STIL: variants seen among roughly 807,000 people sequenced by gnomAD.
STIL encodes the protein SCL-interrupting locus protein.
In STIL, 55 loss-of-function variants were observed where a neutral mutation model predicts 110.1. The ratio of observed to expected loss-of-function variants is 0.50; its 90% confidence interval spans 0.40 to 0.63. STIL has a LOEUF of 0.63. STIL is among the 20% of genes least tolerant of loss of function. The pLI is 0.00. For missense variants in STIL, 1,358 were observed against 1,530.0 expected (o/e 0.89, Z 1.87); for synonymous variants, 481 against 530.0 (o/e 0.91, Z 1.27).
intron 16 of STIL, among the ~76,000 whole-genome samples, chr1:47,252,824 C>T (rs967534397): frequency 1.1e-4 from 15 of 140,638 alleles, no homozygotes; most frequent in Admixed American, 8.0e-4. Context: ...CACACACACA[C>T]GAATACTTTT....
At chr1:47,298,471 C>T (rs12042624) in intron 6 of STIL, among the ~76,000 whole-genome samples, 26,305 of 152,006 alleles carry the variant, frequency 0.17, 2,908 homozygotes, top group East Asian at 0.53. Flanking sequence ...AAACTCCACC[C>T]TCAAGTAGTT....
chr1:47,300,201 A>T, intron 5 of STIL, 49 bp from the exon 6 acceptor site: 2 of 1,570,170 alleles, frequency 1.3e-6, no homozygotes, highest in Non-Finnish European at 1.7e-6. Context: ...AAATGTGCCC[A>T]TATCGCCAAA....
At chr1:47,262,724 T>C (rs1644520395) in intron 15 of STIL, among the ~76,000 whole-genome samples, 179 bp downstream of exon 15, 2 of 152,340 alleles carry the variant, frequency 1.3e-5, no homozygotes, top group South Asian at 4.1e-4. Context: ...ATGTTTATGG[T>C]AAATTAGTGA....
At chr1:47,306,931 C>T (rs970176104) in intron 2 of STIL, among the ~76,000 whole-genome samples, 2 of 152,188 alleles carry the variant, frequency 1.3e-5, no homozygotes, top group African/African-American at 4.8e-5. Flanking sequence ...GCAGGTGGAT[C>T]ACTTGAGGCC....
At chr1:47,275,258 T>C (rs1028149922) in intron 12 of STIL, among the ~76,000 whole-genome samples, 18 of 151,838 alleles carry the variant, frequency 1.2e-4, no homozygotes, top group Admixed American at 2.6e-4. Flanking sequence ...AAAACTTACT[T>C]AAATAAAAAA....
intron 6 of STIL, among the ~76,000 whole-genome samples, chr1:47,299,033 CTT>C (rs35412832): frequency 3.5e-5 from 5 of 142,176 alleles, no homozygotes; most frequent in Non-Finnish European, 4.6e-5. Flanking sequence ...TTTACCACCA[CTT>C]TTTTTTTTTT....
intron 16 of STIL, among the ~76,000 whole-genome samples, chr1:47,256,632 A>G (rs1014914236): frequency 6.6e-6 from 1 of 151,254 alleles, no homozygotes; most frequent in Non-Finnish European, 1.5e-5. Context: ...AAAAAAAAAA[A>G]AAAAAAATCT....
chr1:47,265,713 G>A (rs939274600), intron 14 of STIL, among the ~76,000 whole-genome samples: 4 of 150,118 alleles, frequency 2.7e-5, no homozygotes, highest in Admixed American at 2.0e-4. Context: ...CCCGGGAGGC[G>A]GAGGGTGCAG....
intron 8 of STIL, among the ~76,000 whole-genome samples, chr1:47,291,277 C>T (rs1645481069): frequency 6.6e-6 from 1 of 152,068 alleles, no homozygotes; most frequent in Non-Finnish European, 1.5e-5. Flanking sequence ...AGGAGAAACG[C>T]TTGAACCCAG....
rs549227243 is a variant in STIL, at chr1:47,258,992, C to CTTTTTTTTTTTTTTTTTT, written c.3080+1296_3080+1297insAAAAAAAAAAAAAAAAAA. On this transcript the variant is annotated intron_variant, in intron 16 of 16. Coordinates refer to ENST00000371877, the MANE Select transcript of STIL (RefSeq NM_001048166.1). Reference sequence around the variant, plus strand: ...GAAATGGTTAAGAGAAGTAACTTTGCTTTTTTTTTTTTTTGAGACAGTCTT... The same window carrying CTTTTTTTTTTTTTTTTTT: ...GAAATGGTTAAGAGAAGTAACTTTGCTTTTTTTTTTTTTTTTTTTTTTTTTTTTTTTTGAGACAGTCTT... 3.1e-3 allele frequency among the ~76,000 whole-genome samples: 290 copies of CTTTTTTTTTTTTTTTTTT among 94,408 alleles called. 69 individuals are homozygous for CTTTTTTTTTTTTTTTTTT. The highest frequency in any genetic ancestry group is 9.4e-3 in the African/African-American group (205 of 21,770). 61.9% of individuals were successfully genotyped at this position (94,408 alleles called of 152,430 possible).
At chr1:47,254,401 G>A (rs1644271343) in intron 16 of STIL, among the ~76,000 whole-genome samples, 1 of 151,866 alleles carries the variant, frequency 6.6e-6, no homozygotes, top group Non-Finnish European at 1.5e-5. Context: ...CAATACTTTT[G>A]GAAGTCTTTT....
chr1:47,298,769 A>G (rs1645714104), intron 6 of STIL, among the ~76,000 whole-genome samples: 1 of 151,966 alleles, frequency 6.6e-6, no homozygotes, highest in South Asian at 2.1e-4. Context: ...TTTGAGACAG[A>G]GTCTCGCTCT....
Position 47,281,613 on chromosome 1 carries a change from TA to T in STIL, c.1249-405del, listed in dbSNP as rs539043443. 5.8e-3 allele frequency among the ~76,000 whole-genome samples: 877 copies of T among 152,306 alleles called. 7 individuals carry two copies. The highest frequency in any genetic ancestry group is 0.02 in the African/African-American group (824 of 41,566). ...ACAGATCTAGTAGCAAATGTTTATG[TA>T]CCTTAAATAGTAAAATCTTCCAATA... is the stretch of plus-strand genomic sequence containing the variant. On this transcript the variant is annotated intron_variant, in intron 11 of 16. Coordinates refer to ENST00000371877, the MANE Select transcript of STIL (RefSeq NM_001048166.1).
intron 10 of STIL, chr1:47,283,288 A>C (rs1645201408): frequency 2.6e-5 from 4 of 152,188 alleles, no homozygotes; most frequent in Admixed American, 6.5e-5. Flanking sequence ...TTTTGCCCTA[A>C]ACCCTGATTG....
At chr1:47,253,415 T>C (rs1286321752) in intron 16 of STIL, among the ~76,000 whole-genome samples, 1 of 152,236 alleles carries the variant, frequency 6.6e-6, no homozygotes, top group East Asian at 1.9e-4. Context: ...TCTGTTCTCC[T>C]GGCCCCCACT....
chr1:47,278,324 G>T (rs1039196577), intron 12 of STIL, among the ~76,000 whole-genome samples: 4 of 151,976 alleles, frequency 2.6e-5, no homozygotes, highest in African/African-American at 9.7e-5. Context: ...TATAAAAAAT[G>T]TATAAGATAC....
At chr1:47,309,066 A>T (rs893705352) in intron 2 of STIL, among the ~76,000 whole-genome samples, 2 of 150,174 alleles carry the variant, frequency 1.3e-5, no homozygotes, top group African/African-American at 4.9e-5. Context: ...AAAAAAAAAA[A>T]ATAATAATAA....
rs1553167868 is a variant in STIL, at chr1:47,252,823, ACG to A, written c.3081-903_3081-902del. 2.5e-3 allele frequency among the ~76,000 whole-genome samples: 360 copies of A among 145,244 alleles called. 12 individuals are homozygous for A. In the East Asian group the frequency reaches 0.059, roughly 24 times the overall value. On this transcript the variant is annotated intron_variant, in intron 16 of 16. Transcript: ENST00000371877. ...CACACACACACACACACACACACAC[ACG>A]AATACTTTTTTCATTAGTTATAATC...
chr1:47,288,536 A>G (rs1015641275), intron 9 of STIL, among the ~76,000 whole-genome samples: 2 of 151,880 alleles, frequency 1.3e-5, no homozygotes, highest in African/African-American at 4.8e-5. Context: ...ACCTCAGGTG[A>G]TCCGCCCACC....
Sources: gnomAD v4.1 joint callset for allele counts (sites outside exome capture counted in the v4.1 genomes callset) on GRCh38, gnomAD v4.1.1 for gene constraint, MANE v1.5 for transcripts, NCBI Gene and HGNC (gene_info 2026-07-23, HGNC 2026-07-21) for gene names.